Variants in GPKOW observed in about 807,000 individuals in gnomAD.
The protein encoded by GPKOW is G-patch domain and KOW motifs.
For missense variants in GPKOW, 359 were observed against 404.7 expected (o/e 0.89, Z 0.97); for synonymous variants, 167 against 159.1 (o/e 1.05, Z -0.37).
At chrX:49,120,555 TGAG>T (rs1198601385) in intron 3 of GPKOW, among the ~76,000 whole-genome samples, 3 of 111,138 alleles carry the variant, frequency 2.7e-5, no homozygotes, top group Non-Finnish European at 3.8e-5. Context: ...TTGGTGGTGG[TGAG>T]AAGTGGTCAG....
intron 4 of GPKOW, among the ~76,000 whole-genome samples, chrX:49,118,611 T>C (rs2065202186): frequency 9.3e-6 from 1 of 107,033 alleles, no homozygotes; most frequent in Non-Finnish European, 1.9e-5. Context: ...TGCTGGTGCA[T>C]GCCTGTAATC....
chrX:49,121,653 C>A (rs782512541), intron 3 of GPKOW, among the ~76,000 whole-genome samples: 1 of 110,575 alleles, frequency 9.0e-6, no homozygotes, highest in Non-Finnish European at 1.9e-5. Flanking sequence ...CACGTCCCCT[C>A]TTGTCACCTC....
intron 6 of GPKOW, 91 bp from the exon 7 acceptor site, chrX:49,116,414 C>T (rs1331626601): frequency 1.7e-6 from 1 of 599,134 alleles, no homozygotes; most frequent in Non-Finnish European, 2.8e-6. Context: ...CCTTTCCTTC[C>T]AAGGCCATGT....
At chrX:49,114,033 C>T in intron 9 of GPKOW, 95 bp from the exon 10 acceptor site, 1 of 586,250 alleles carries the variant, frequency 1.7e-6, no homozygotes, top group African/African-American at 2.2e-5. Flanking sequence ...CGTGGTGGCT[C>T]ACACCTGTAG....
chrX:49,121,233 C>T (rs1191877267), intron 3 of GPKOW, among the ~76,000 whole-genome samples: 1 of 109,885 alleles, frequency 9.1e-6, no homozygotes, highest in Non-Finnish European at 1.9e-5. Flanking sequence ...TCAAGGCCAG[C>T]CTGACCAACG....
chrX:49,115,687 C>G, intron 9 of GPKOW, 39 bp downstream of exon 9: 2 of 1,136,796 alleles, frequency 1.8e-6, no homozygotes, highest in Admixed American at 4.4e-5. Context: ...CTAAAACACT[C>G]TTCTTGATCA....
At chrX:49,114,547 G>A (rs2065183833) in intron 9 of GPKOW, among the ~76,000 whole-genome samples, 1 of 98,665 alleles carries the variant, frequency 1.0e-5, no homozygotes, top group South Asian at 5.0e-4. Flanking sequence ...TGAGGTGGCA[G>A]TGATCCATGA....
intron 8 of GPKOW, 27 bp downstream of exon 8, chrX:49,115,864 G>T (rs1557090156): frequency 8.3e-7 from 1 of 1,205,547 alleles, no homozygotes; most frequent in East Asian, 3.0e-5. Flanking sequence ...AGGAGAGGGA[G>T]GGGGACTCAG....
rs782047444 is a variant in GPKOW at position 49,116,203 on chromosome X, G to A, written c.1016+18C>T. On this transcript the variant is annotated intron_variant, in intron 7 of 10. Coordinates refer to ENST00000156109, the MANE Select transcript of GPKOW (RefSeq NM_015698.6). ...CAGCCCTGCCTTCTTGACCCCTCCC[G>A]CATGCTCAGAGTCCCACCGGTCTGG... The A allele has an allele frequency of 9.6e-6, 11 of 1,145,831 alleles. No homozygotes were observed. Among genetic ancestry groups the A allele is most frequent in the South Asian group, 1.8e-5 (1 of 55,440 alleles). 94.4% of individuals were successfully genotyped at this position (1,145,831 alleles called of 1,213,427 possible).
At chrX:49,114,940 A>G (rs2065186834) in intron 9 of GPKOW, among the ~76,000 whole-genome samples, 3 of 102,801 alleles carry the variant, frequency 2.9e-5, no homozygotes, top group Admixed American at 1.1e-4. Flanking sequence ...AAAAAAAAAA[A>G]AAAAAAAAAA....
At position 49,113,515 on chromosome X, in the gene GPKOW, C is replaced by T; in HGVS notation, c.*106G>A. The T allele has an allele frequency of 3.8e-6, 3 of 796,642 alleles. No individual in the cohort carries two copies. The highest frequency in any genetic ancestry group is 5.6e-6 in the Non-Finnish European group (3 of 534,679). The allele number at this position is 796,642 out of a possible 1,213,427, so 65.7% of individuals were successfully genotyped here. On this transcript the variant is annotated 3_prime_UTR_variant, in exon 11 of 11. Coordinates refer to ENST00000156109, the MANE Select transcript of GPKOW (RefSeq NM_015698.6). ...TTCCCTTGTCCTTGTCCCAGGACTG[C>T]ACCAGAAGTAGAGGATGGAACAATG... is the stretch of plus-strand genomic sequence containing the variant.
Position 49,113,737 on chromosome X carries a change from G to T in GPKOW, c.1315C>A (p.Arg439=). The T allele has an allele frequency of 1.7e-6, 2 of 1,206,805 alleles. No individual in the cohort carries two copies. Among genetic ancestry groups the T allele is most frequent in the Non-Finnish European group, 2.2e-6 (2 of 892,885 alleles). The change falls in exon 11 of 11, where the codon CGG becomes AGG. Residue 439 remains arginine, a synonymous_variant. Coordinates refer to ENST00000156109, the MANE Select transcript of GPKOW (RefSeq NM_015698.6). ...QTGRVGHLLS[R]DRARSRALVQ... Reference sequence around the variant, plus strand: ...AAAGCCCGGCTCCGTGCTCTGTCCCGGCTCAGCAAATGTCCCACCTGGAAC... The same window carrying T: ...AAAGCCCGGCTCCGTGCTCTGTCCCTGCTCAGCAAATGTCCCACCTGGAAC...
At position 49,119,832 on chromosome X, in the gene GPKOW, G is replaced by A. The variant is rs1557090828; in HGVS notation, c.457-18C>T. ...TCTGGCACCTACAGGTTCAGGTAGA[G>A]GAAGGAGGGTCAGGCTTTGCTTACA... is the stretch of plus-strand genomic sequence containing the variant. On this transcript the variant is annotated intron_variant, in intron 3 of 10. Coordinates refer to ENST00000156109, the MANE Select transcript of GPKOW (RefSeq NM_015698.6). 3 of 999,508 alleles carry A rather than the reference G, an allele frequency of 3.0e-6. No individual in the cohort carries two copies. Among genetic ancestry groups the A allele is most frequent in the Non-Finnish European group, 4.2e-6 (3 of 710,612 alleles). The allele number at this position is 999,508 out of a possible 1,213,427, so 82.4% of individuals were successfully genotyped here.
rs1557091470 is a variant in GPKOW, at chrX:49,123,685, G to C, written c.38C>G (p.Ala13Gly). 2 of 1,206,437 alleles carry C rather than the reference G, an allele frequency of 1.7e-6. No homozygotes were observed. Among genetic ancestry groups the C allele is most frequent in the Non-Finnish European group, 2.2e-6 (2 of 893,158 alleles). ...GAATGAAATTGGGGCAGTGGAAGCA[G>C]CCGTCAGCGGCAAAACACCCTCTTT... ...DSKEGVLPLTAASTAPISFGF... is the reference protein window; with the variant it reads ...DSKEGVLPLTGASTAPISFGF... The change falls in exon 1 of 11, where the codon GCT becomes GGT. Residue 13 changes from alanine (A) to glycine (G), a missense_variant. Coordinates refer to ENST00000156109, the MANE Select transcript of GPKOW (RefSeq NM_015698.6).
intron 9 of GPKOW, 60 bp from the exon 10 acceptor site, chrX:49,113,998 G>T: frequency 2.4e-6 from 2 of 831,494 alleles, no homozygotes; most frequent in Non-Finnish European, 1.8e-6. Flanking sequence ...CCAGCGTCCT[G>T]TCAGAAGGGC....
chrX:49,117,752 G>C lies in GPKOW; in HGVS notation c.625C>G (p.Leu209Val). The C allele has an allele frequency of 8.3e-7, 1 of 1,209,948 alleles. No homozygotes were observed. The highest frequency in any genetic ancestry group is 1.1e-6 in the Non-Finnish European group (1 of 894,093). Residue 209 changes from leucine (L) to valine (V), a missense_variant, in exon 5 of 11, where the codon CTG (leucine) becomes GTG (valine). By Grantham distance (32) the Leu-to-Val change is conservative. Coordinates refer to ENST00000156109, the MANE Select transcript of GPKOW (RefSeq NM_015698.6). ...GGGGTCAAGGCCTGGGCCTCGGTCA[G>C]GTTGGCACCCAGCCCTAACCCCTTG... ...RPKGLGLGAN[L>V]TEAQALTPTG...
rs782086498 is a variant in GPKOW, at chrX:49,115,730, C to T, written c.1206G>A (p.Leu402=). Reference sequence around the variant, plus strand: ...GCTGCCATCGCTCAAACTCACCTTCCAGGACTCGGCCTTCATCTGTCCGAC... The same window carrying T: ...GCTGCCATCGCTCAAACTCACCTTCTAGGACTCGGCCTTCATCTGTCCGAC... ...CVCRTDEGRV[L]EGLREDMLET... The change falls in exon 9 of 11, where the codon CTG becomes CTA. Residue 402 remains leucine (L), a synonymous_variant. Transcript: ENST00000156109. 8.3e-7 allele frequency: 1 copy of T among 1,202,439 alleles called. No homozygotes were observed. The highest frequency in any genetic ancestry group is 2.2e-5 in the Admixed American group (1 of 45,539).
intron 8 of GPKOW, 31 bp downstream of exon 8, chrX:49,115,860 G>A: frequency 8.3e-7 from 1 of 1,205,679 alleles, no homozygotes; most frequent in South Asian, 1.8e-5. Flanking sequence ...CCCTAGGAGA[G>A]GGAGGGGGAC....
chrX:49,115,838 G>C (rs782330379), intron 8 of GPKOW, 43 bp from the exon 9 acceptor site: 6 of 1,195,968 alleles, frequency 5.0e-6, no homozygotes, highest in Middle Eastern at 2.3e-4. Context: ...TAGAGAGGTA[G>C]GGGGGCCCAG....
Sources: gnomAD v4.1 joint callset for allele counts (sites outside exome capture counted in the v4.1 genomes callset) on GRCh38, gnomAD v4.1.1 for gene constraint, MANE v1.5 for transcripts, NCBI Gene and HGNC (gene_info 2026-07-23, HGNC 2026-07-21) for gene names.